MYH14: variants seen among roughly 807,000 people sequenced by gnomAD.
MYH14 encodes myosin heavy chain 14.
A neutral mutation model predicts 255.5 loss-of-function variants in MYH14; 123 were observed. The observed-to-expected ratio is 0.48, with a 90% CI of 0.42 to 0.56. The LOEUF (loss-of-function observed/expected upper bound fraction) is 0.56. Among genes scored for constraint, MYH14 ranks in the 20% least tolerant of loss-of-function variants. The pLI, the probability that MYH14 is intolerant of heterozygous loss-of-function variation, is 0.00. For synonymous variants in MYH14, 1,095 were observed against 1,161.2 expected (o/e 0.94, Z 1.16); for missense variants, 2,423 against 2,802.3 (o/e 0.86, Z 3.06).
chr19:50,245,286 A>G (rs7250812), intron 11 of MYH14, among the ~76,000 whole-genome samples: 2,546 of 151,896 alleles, frequency 0.017, 92 homozygotes, highest in African/African-American at 0.059. Flanking sequence ...GGGAATGGTG[A>G]TGGGTGCCTG....
At chr19:50,229,054 G>C (rs1001061021) in intron 8 of MYH14, among the ~76,000 whole-genome samples, 2 of 152,176 alleles carry the variant, frequency 1.3e-5, no homozygotes, top group Non-Finnish European at 2.9e-5. Flanking sequence ...ACCCTGCGAG[G>C]TGGCTGCTGC....
intron 39 of MYH14, 58 bp from the exon 40 acceptor site, chr19:50,301,603 C>T: frequency 7.1e-7 from 1 of 1,415,668 alleles, no homozygotes; most frequent in South Asian, 1.2e-5. Flanking sequence ...CCTGGATTTA[C>T]CTACCACCTT....
chr19:50,208,013 C>T (rs1301910891), intron 1 of MYH14, among the ~76,000 whole-genome samples: 1 of 152,216 alleles, frequency 6.6e-6, no homozygotes, highest in Admixed American at 6.5e-5. Flanking sequence ...ATTTAAATGC[C>T]ACACCAGAGA....
chr19:50,302,143 G>A (rs919697581), intron 40 of MYH14, among the ~76,000 whole-genome samples: 3 of 149,252 alleles, frequency 2.0e-5, no homozygotes, highest in Admixed American at 1.3e-4. Flanking sequence ...AAAAAGCCAG[G>A]TGTGTTAGCG....
intron 40 of MYH14, among the ~76,000 whole-genome samples, chr19:50,305,752 A>AC (rs1316562682): frequency 1.3e-5 from 2 of 151,492 alleles, no homozygotes; most frequent in African/African-American, 2.4e-5. Flanking sequence ...ACATGGCGAG[A>AC]CCCCATCTCT....
At position 50,221,717 on chromosome 19, in the gene MYH14, T is replaced by C. The variant is rs1217471201; in HGVS notation, c.563-1366T>C. ...GTCTTGAACTCCTGACTTCGGGTGA[T>C]CTGCTGGCCTCGGCCTCCCAAAGTG... On this transcript the variant is annotated intron_variant, in intron 3 of 42. Transcript: ENST00000642316. The surrounding 1 kb of genome is among the most constrained non-coding windows in gnomAD (Gnocchi z 5.3). Among the ~76,000 whole-genome samples the C allele has an allele frequency of 6.6e-6, 1 of 152,098 alleles. No homozygotes were observed. The highest frequency in any genetic ancestry group is 1.5e-5 in the Non-Finnish European group (1 of 68,018).
intron 34 of MYH14, among the ~76,000 whole-genome samples, chr19:50,287,972 C>T (rs1176792610): frequency 6.6e-6 from 1 of 152,184 alleles, no homozygotes; most frequent in African/African-American, 2.4e-5. Flanking sequence ...CAGACTCTCC[C>T]ACCAAGCCTC....
chr19:50,204,155 A>T (rs2031604607), intron 1 of MYH14, among the ~76,000 whole-genome samples: 1 of 152,168 alleles, frequency 6.6e-6, no homozygotes, highest in Non-Finnish European at 1.5e-5. Flanking sequence ...TTTATAACTA[A>T]ATAATTTCCT....
At position 50,221,539 on chromosome 19, in the gene MYH14, C is replaced by T. The variant is rs1042545575; in HGVS notation, c.563-1544C>T. On this transcript the variant is annotated intron_variant, in intron 3 of 42. Coordinates refer to ENST00000642316, the MANE Select transcript of MYH14 (RefSeq NM_001145809.2). The surrounding 1 kb of genome is among the most constrained non-coding windows in gnomAD (Gnocchi z 5.3). The stretch of plus-strand genomic sequence containing the variant: ...TCACCCAGGCTGGAGTGCAATGGCA[C>T]GATCTTGGCTCACTGCAACCTCCGC... 4.6e-5 allele frequency among the ~76,000 whole-genome samples: 7 copies of T among 152,098 alleles called. No individual in the cohort carries two copies. The highest frequency in any genetic ancestry group is 7.4e-5 in the Non-Finnish European group (5 of 68,012).
chr19:50,226,652 G>A lies in MYH14; in HGVS notation c.811-251G>A, dbSNP rs192222877. ...AGGGAGGAGGGGCTGGAGGCTGCGT[G>A]CCTAGTTCCAAGGGAGGAGCAGCTG... On this transcript the variant is annotated intron_variant, in intron 7 of 42. Coordinates refer to ENST00000642316, the MANE Select transcript of MYH14 (RefSeq NM_001145809.2). Among the ~76,000 whole-genome samples, 352 of 152,238 alleles carry A rather than the reference G, an allele frequency of 2.3e-3. 3 individuals carry two copies. The highest frequency in any genetic ancestry group is 3.7e-3 in the Admixed American group (56 of 15,304).
chr19:50,259,106 C>T (rs1270343586), intron 18 of MYH14, 38 bp from the exon 19 acceptor site: 1 of 1,529,888 alleles, frequency 6.5e-7, no homozygotes, highest in Admixed American at 2.1e-5. Flanking sequence ...CCCCGTGTGG[C>T]CGCCGCTGAC....
rs752494698 is a variant in MYH14, at chr19:50,263,304, C to T, written c.2586-8C>T. 5 of 1,523,256 alleles carry T rather than the reference C, an allele frequency of 3.3e-6. No homozygotes were observed. In the South Asian group the frequency reaches 3.8e-5, roughly 11 times the overall value. The allele number at this position is 1,523,256 out of a possible 1,614,324, so 94.4% of individuals were successfully genotyped here. ...CCCACTCTGCCCCTCACCCATTTCCCCACCCAGGGCCTTCCAGAAGCGCCA... is the reference window on the plus strand; with the variant it reads ...CCCACTCTGCCCCTCACCCATTTCCTCACCCAGGGCCTTCCAGAAGCGCCA... On this transcript the variant is annotated splice_polypyrimidine_tract_variant and splice_region_variant and intron_variant, in intron 21 of 42. Coordinates refer to ENST00000642316, the MANE Select transcript of MYH14 (RefSeq NM_001145809.2).
At chr19:50,263,008 C>G (rs868411217) in intron 21 of MYH14, among the ~76,000 whole-genome samples, 23 of 151,726 alleles carry the variant, frequency 1.5e-4, no homozygotes, top group Admixed American at 5.3e-4. Context: ...GAGAGCAGCC[C>G]GGCCAACATG....
At chr19:50,288,895 C>G (rs1245048058) in intron 34 of MYH14, among the ~76,000 whole-genome samples, 1 of 151,928 alleles carries the variant, frequency 6.6e-6, no homozygotes, top group Non-Finnish European at 1.5e-5. Context: ...AATTCATAAG[C>G]CCAGCTCTAT....
At position 50,276,230 on chromosome 19, in the gene MYH14, A is replaced by G; in HGVS notation, c.3680+27A>G. 1 of 1,497,522 alleles carries G rather than the reference A, an allele frequency of 6.7e-7. No homozygotes were observed. Among genetic ancestry groups the G allele is most frequent in the Non-Finnish European group, 9.0e-7 (1 of 1,113,892 alleles). The allele number at this position is 1,497,522 out of a possible 1,614,324, so 92.8% of individuals were successfully genotyped here. On this transcript the variant is annotated intron_variant, in intron 28 of 42. Coordinates refer to ENST00000642316, the MANE Select transcript of MYH14 (RefSeq NM_001145809.2). The surrounding 1 kb of genome is among the most constrained non-coding windows in gnomAD (Gnocchi z 4.3). ...TGAGGCCCGGTGGCAGGCCGCTGTC[A>G]CAGCCTGTGCACATACAGGGCTGGG...
intron 2 of MYH14, among the ~76,000 whole-genome samples, chr19:50,217,056 G>A (rs1000528004): frequency 5.9e-5 from 9 of 152,030 alleles, no homozygotes; most frequent in Admixed American, 2.0e-4. Flanking sequence ...TGATCCACCC[G>A]TCTCGGCTTC....
intron 3 of MYH14, among the ~76,000 whole-genome samples, chr19:50,218,290 T>A (rs1219213755): frequency 2.0e-5 from 3 of 152,044 alleles, no homozygotes; most frequent in Admixed American, 2.0e-4. Context: ...TCTTTTTAAA[T>A]TTTTAAATAA....
chr19:50,270,707 T>A (rs928674158), intron 24 of MYH14, among the ~76,000 whole-genome samples: 95 of 151,920 alleles, frequency 6.3e-4, no homozygotes, highest in African/African-American at 1.8e-3. Flanking sequence ...TATTTATTTT[T>A]TTTTTGAGAC....
At chr19:50,215,867 CAGCTAG>C (rs2032447378) in intron 2 of MYH14, among the ~76,000 whole-genome samples, 1 of 152,168 alleles carries the variant, frequency 6.6e-6, no homozygotes, top group Non-Finnish European at 1.5e-5. Context: ...GCTTAGAAAC[CAGCTAG>C]CTGGGTGACT....
Sources: gnomAD v4.1 joint callset for allele counts (sites outside exome capture counted in the v4.1 genomes callset) on GRCh38, gnomAD v4.1.1 for gene constraint, Gnocchi (gnomAD v3.1) non-coding constraint, MANE v1.5 for transcripts, NCBI Gene and HGNC (gene_info 2026-07-23, HGNC 2026-07-21) for gene names.